PSMC2: variants seen among roughly 807,000 people sequenced by gnomAD.
PSMC2 encodes proteasome 26S subunit, ATPase 2.
A neutral mutation model predicts 53.3 loss-of-function variants in PSMC2; 7 were observed. The ratio of observed to expected loss-of-function variants is 0.13; its 90% CI spans 0.07 to 0.25. PSMC2 has a LOEUF of 0.25. PSMC2 is among the 10% of genes least tolerant of loss of function. The pLI is 1.00. For missense variants in PSMC2, 241 were observed against 544.0 expected, an observed-to-expected ratio of 0.44 and a Z score of 5.54; for synonymous variants, 169 against 183.9, an observed-to-expected ratio of 0.92 and a Z score of 0.66.
At position 103,368,947 on chromosome 7, in the gene PSMC2, C is replaced by T. The variant is rs564707066; in HGVS notation, c.*893C>T. On this transcript the variant is annotated 3_prime_UTR_variant, in exon 12 of 12. Coordinates refer to ENST00000292644, the MANE Select transcript of PSMC2 (RefSeq NM_002803.4). ...CCTCAACATCTCTTTAAAATTACCT[C>T]CTGTGTAACCACCACCAAATCCTAT... 6.6e-4 allele frequency: 100 copies of T among 152,226 alleles called. 1 individual carries two copies. Among genetic ancestry groups the T allele is most frequent in the African/African-American group, 2.3e-3 (96 of 41,526 alleles). 9.4% of individuals were successfully genotyped at this position (152,226 alleles called of 1,614,324 possible). A position where few individuals can be genotyped will look rare whatever the true frequency, so the allele number is the denominator to read the frequency against.
intron 8 of PSMC2, among the ~76,000 whole-genome samples, chr7:103,364,958 C>CATACATATATATATATAT (rs374432802): frequency 4.0e-5 from 5 of 125,490 alleles, no homozygotes; most frequent in African/African-American, 1.5e-4. Context: ...TGTAGACATA[C>CATACATATATATATATAT]ATATATATAT....
chr7:103,354,239 T>C (rs540886849), intron 2 of PSMC2, among the ~76,000 whole-genome samples: 1 of 152,320 alleles, frequency 6.6e-6, no homozygotes, highest in Non-Finnish European at 1.5e-5. Flanking sequence ...TAAAATGTGA[T>C]GCTATATTGA....
rs572117647 is a variant in PSMC2, at chr7:103,351,166, C to T, written c.71-2755C>T. 8.7e-4 allele frequency among the ~76,000 whole-genome samples: 132 copies of T among 152,200 alleles called. 5 individuals are homozygous for T. In the South Asian group the frequency reaches 0.024, roughly 28 times the overall value. On this transcript the variant is annotated intron_variant, in intron 1 of 11. Coordinates refer to ENST00000292644, the MANE Select transcript of PSMC2 (RefSeq NM_002803.4). ...TTTAGAATGCTGCATCAGGATATGC[C>T]GGTGTGTTGGATAGTCTTCATGCCT...
At chr7:103,352,512 C>T (rs1247253104) in intron 1 of PSMC2, among the ~76,000 whole-genome samples, 3 of 149,926 alleles carry the variant, frequency 2.0e-5, no homozygotes, top group African/African-American at 7.4e-5. Flanking sequence ...TGGGCTCAAG[C>T]GATCCTCCTG....
chr7:103,362,632 AG>A, intron 5 of PSMC2, 53 bp from the exon 6 acceptor site: 1 of 1,523,358 alleles, frequency 6.6e-7, no homozygotes, highest in South Asian at 1.1e-5. Context: ...TAAACATAAA[AG>A]CACTTTGAAA....
chr7:103,356,739 G>C (rs188181290), intron 4 of PSMC2, among the ~76,000 whole-genome samples: 11 of 151,746 alleles, frequency 7.2e-5, no homozygotes, highest in Non-Finnish European at 1.5e-4. Flanking sequence ...TTAACTTCTT[G>C]GTACCTTTTG....
intron 8 of PSMC2, among the ~76,000 whole-genome samples, 193 bp from the exon 9 acceptor site, chr7:103,365,883 G>A (rs896518645): frequency 2.6e-5 from 4 of 151,996 alleles, no homozygotes; most frequent in African/African-American, 4.8e-5. Context: ...AGCCGAGCTC[G>A]CACCACTGCA....
chr7:103,363,631 A>G (rs534511753), intron 7 of PSMC2, among the ~76,000 whole-genome samples, 192 bp downstream of exon 7: 24 of 152,256 alleles, frequency 1.6e-4, no homozygotes, highest in Non-Finnish European at 3.2e-4. Flanking sequence ...TTGAGTGGTC[A>G]GGTATATTTA....
Position 103,367,665 on chromosome 7 carries a change from C to T in PSMC2, c.1048-48C>T. On this transcript the variant is annotated intron_variant, in intron 10 of 11. Coordinates refer to ENST00000292644, the MANE Select transcript of PSMC2 (RefSeq NM_002803.4). This position sits in a 1 kb window ranked among gnomAD's most constrained non-coding sequence, Gnocchi z 6.1. ...AAAGGGATTTTTGAAGTTTTTTCTT[C>T]CTGTGATTTTTTTCCATTTTAATAT... 6.2e-7 allele frequency: 1 copy of T among 1,608,018 alleles called. No homozygotes were observed. The highest frequency in any genetic ancestry group is 1.1e-5 in the South Asian group (1 of 90,212).
In PSMC2 at chr7:103,366,371, C is replaced by T. The variant is rs566890174; in HGVS notation, c.844+208C>T. 6.6e-5 allele frequency among the ~76,000 whole-genome samples: 10 copies of T among 152,110 alleles called. No individual in the cohort carries two copies. The East Asian group carries it at 1.9e-3, about 29-fold the overall frequency. ...ATATACCATTGTCATTTTTTCAAAG[C>T]CTTTATTTTTGTGCTATGGGTTGAA... On this transcript the variant is annotated intron_variant, in intron 9 of 11. Transcript: ENST00000292644.
At chr7:103,354,332 A>G (rs1413128467) in intron 2 of PSMC2, among the ~76,000 whole-genome samples, 1 of 151,982 alleles carries the variant, frequency 6.6e-6, no homozygotes, top group Non-Finnish European at 1.5e-5. Flanking sequence ...TTTAATGCAT[A>G]GAAATCGATA....
chr7:103,354,604 A>G (rs1819927944), intron 2 of PSMC2, among the ~76,000 whole-genome samples: 1 of 151,994 alleles, frequency 6.6e-6, no homozygotes, highest in Non-Finnish European at 1.5e-5. Flanking sequence ...TATTGACCTC[A>G]GGTGATCCAC....
chr7:103,366,935 G>A (rs1820749436), intron 9 of PSMC2, among the ~76,000 whole-genome samples: 1 of 152,130 alleles, frequency 6.6e-6, no homozygotes. Flanking sequence ...CTCCTGAGTA[G>A]CTGCAATTAC....
chr7:103,364,736 A>G (rs1039994680), intron 8 of PSMC2, among the ~76,000 whole-genome samples: 1 of 152,050 alleles, frequency 6.6e-6, no homozygotes, highest in Admixed American at 6.6e-5. Context: ...GATTGTAATT[A>G]GTAGTTTAGA....
At chr7:103,358,501 C>G (rs1820171481) in intron 4 of PSMC2, among the ~76,000 whole-genome samples, 1 of 151,982 alleles carries the variant, frequency 6.6e-6, no homozygotes, top group African/African-American at 2.4e-5. Context: ...TCCTGTTTTT[C>G]TTCTTTTTGC....
rs1387457932 is a variant in PSMC2 at position 103,368,664 on chromosome 7, A to G, written c.*610A>G. On this transcript the variant is annotated 3_prime_UTR_variant, in exon 12 of 12. Transcript: ENST00000292644. ...ATTGCCATTTGATTTCAAATTAATC[A>G]GGAAGAATTAGTGATTTTAATGAGC... 1 of 152,214 alleles carries G rather than the reference A, an allele frequency of 6.6e-6. No individual in the cohort carries two copies. The allele number at this position is 152,214 out of a possible 1,614,324, so 9.4% of individuals were successfully genotyped here.
At chr7:103,355,048 T>TA (rs767387126) in intron 3 of PSMC2, 99 bp downstream of exon 3, 27 of 790,180 alleles carry the variant, frequency 3.4e-5, no homozygotes, top group Middle Eastern at 2.6e-4. Context: ...ATTACAGATT[T>TA]AAAAAAAATC....
At chr7:103,366,278 C>A in intron 9 of PSMC2, 115 bp downstream of exon 9, 1 of 893,488 alleles carries the variant, frequency 1.1e-6, no homozygotes, top group Non-Finnish European at 1.8e-6. Flanking sequence ...CTTCTATGAG[C>A]TCTGAAACAG....
intron 8 of PSMC2, among the ~76,000 whole-genome samples, chr7:103,364,954 C>CGTACATATATATAT (rs1486934625): frequency 1.8e-3 from 72 of 38,964 alleles, no homozygotes; most frequent in Non-Finnish European, 2.9e-3. Context: ...TGTTTGTAGA[C>CGTACATATATATAT]ATACATATAT....
Sources: allele counts gnomAD v4.1 joint callset (sites outside exome capture counted in the v4.1 genomes callset), GRCh38; gene constraint gnomAD v4.1.1; non-coding constraint Gnocchi (gnomAD v3.1); transcripts MANE v1.5; gene names NCBI Gene and HGNC (gene_info 2026-07-23, HGNC 2026-07-21).